FGF13: variants seen among roughly 807,000 people sequenced by gnomAD.
FGF13 encodes the protein fibroblast growth factor 13.
FGF13 carries 2 observed loss-of-function variants against 19.5 expected under a neutral mutation model. The observed-to-expected ratio is 0.10, with a 90% CI of 0.04 to 0.32. FGF13 has a LOEUF of 0.32. FGF13 is among the 10% of genes least tolerant of loss of function. The pLI, the probability that FGF13 is intolerant of heterozygous loss-of-function variation, is 1.00. For synonymous variants in FGF13, 72 were observed against 76.9 expected, an observed-to-expected ratio of 0.94 and a Z score of 0.33; for missense variants, 113 against 192.7, an observed-to-expected ratio of 0.59 and a Z score of 2.45.
At chrX:139,196,076 G>T (rs1260499312) in intron 1 of FGF13, among the ~76,000 whole-genome samples, 1 of 111,702 alleles carries the variant, frequency 9.0e-6, no homozygotes, top group African/African-American at 3.3e-5. Context: ...AAGGAGAGTC[G>T]GAGGAAGAAC....
intron 1 of FGF13, among the ~76,000 whole-genome samples, chrX:138,881,553 G>C (rs763246789): frequency 2.7e-5 from 3 of 111,306 alleles, no homozygotes; most frequent in Non-Finnish European, 3.8e-5. Flanking sequence ...ACTCTTTATT[G>C]GGTAGTTTCA....
At chrX:138,667,154 T>G (rs1164597499) in intron 3 of FGF13, among the ~76,000 whole-genome samples, 2 of 107,742 alleles carry the variant, frequency 1.9e-5, no homozygotes, top group African/African-American at 6.7e-5. Context: ...TTTATACATA[T>G]ATATAAAATA....
chrX:138,711,812 C>T, upstream of FGF13: 1 of 347,031 alleles, frequency 2.9e-6, no homozygotes. Flanking sequence ...CCCCCACCCC[C>T]ACCCCCACCC....
At chrX:139,004,378 A>G (rs1275514662) in intron 1 of FGF13, among the ~76,000 whole-genome samples, 4 of 112,474 alleles carry the variant, frequency 3.6e-5, no homozygotes, top group Non-Finnish European at 7.5e-5. Context: ...CAAGCGCCGC[A>G]CGCAGCCCTG....
intron 3 of FGF13, among the ~76,000 whole-genome samples, chrX:138,662,325 G>T (rs1366158121): frequency 8.9e-6 from 1 of 111,778 alleles, no homozygotes; most frequent in Non-Finnish European, 1.9e-5. Flanking sequence ...CAATAAAAAT[G>T]ATAATGTTCT....
intron 1 of FGF13, among the ~76,000 whole-genome samples, chrX:138,909,710 G>T (rs1256456107): frequency 8.9e-6 from 1 of 111,935 alleles, no homozygotes; most frequent in Non-Finnish European, 1.9e-5. Flanking sequence ...GGTGATGTTG[G>T]ACAAATCCTG....
In FGF13 at chrX:138,689,962, AC is replaced by A. The variant is rs753691972; in HGVS notation, c.402+13021del. On this transcript the variant is annotated intron_variant, in intron 3 of 4. Coordinates refer to ENST00000315930, the MANE Select transcript of FGF13 (RefSeq NM_004114.5). ...TTTTGACAGCCCTACTGAAAGCAGA[AC>A]TTTTTTGTTCAAGCAAATAATTATT... Among the ~76,000 whole-genome samples the A allele has an allele frequency of 2.1e-3, 236 of 112,377 alleles. 3 individuals carry two copies. Among genetic ancestry groups the A allele is most frequent in the Non-Finnish European group, 2.9e-3 (155 of 53,240 alleles).
At chrX:139,048,927 A>G (rs946097302) in intron 1 of FGF13, among the ~76,000 whole-genome samples, 5 of 111,467 alleles carry the variant, frequency 4.5e-5, no homozygotes, top group Non-Finnish European at 9.4e-5. Context: ...ACTAACGAGT[A>G]CTTCTAAAAC....
At chrX:139,012,463 G>A (rs997528826) in intron 1 of FGF13, among the ~76,000 whole-genome samples, 2 of 111,781 alleles carry the variant, frequency 1.8e-5, no homozygotes, top group African/African-American at 6.5e-5. Context: ...TAAGGCCATC[G>A]TCACCAAAAC....
chrX:139,102,627 T>C (rs183785588), intron 1 of FGF13, among the ~76,000 whole-genome samples: 61 of 112,366 alleles, frequency 5.4e-4, no homozygotes, highest in African/African-American at 1.7e-3. Flanking sequence ...ATTACTCTTA[T>C]ACTAATGATC....
rs60712962 is a variant in FGF13, at chrX:138,814,743, G to C, written c.217+42769C>G. ...ATATCATTGTGTTCTCATTCAGTGG[G>C]AATGTAAATTAGTACAGCTATCATG... On this transcript the variant is annotated intron_variant, in intron 3 of 6. Coordinates refer to the FGF13 transcript ENST00000436198. Among the ~76,000 whole-genome samples the C allele has an allele frequency of 9.9e-3, 1,100 of 111,238 alleles. 15 individuals carry two copies. The highest frequency in any genetic ancestry group is 0.034 in the African/African-American group (1,033 of 30,658).
intron 1 of FGF13, among the ~76,000 whole-genome samples, chrX:138,985,460 A>T (rs1159925446): frequency 3.6e-5 from 4 of 111,926 alleles, no homozygotes; most frequent in Admixed American, 9.5e-5. Flanking sequence ...CACCTCTTCA[A>T]TCATTCTTGT....
At chrX:139,017,078 G>A (rs1477381508) in intron 1 of FGF13, among the ~76,000 whole-genome samples, 1 of 31,207 alleles carries the variant, frequency 3.2e-5, no homozygotes, top group African/African-American at 7.6e-5. Context: ...ACATATACAT[G>A]TGTGTATATA....
chrX:138,778,985 C>T (rs1021458573), intron 3 of FGF13, among the ~76,000 whole-genome samples: 6 of 112,450 alleles, frequency 5.3e-5, no homozygotes, highest in African/African-American at 1.9e-4. Flanking sequence ...AGGCAGACTG[C>T]CTCCTCAAGT....
intron 1 of FGF13, among the ~76,000 whole-genome samples, chrX:139,191,584 T>C (rs1205922013): frequency 9.9e-5 from 11 of 111,267 alleles, no homozygotes; most frequent in Non-Finnish European, 3.8e-5. Flanking sequence ...CAGTAATAGG[T>C]CAATGCACTT....
chrX:139,204,645 C>T (rs1403009505), upstream of FGF13, among the ~76,000 whole-genome samples: 1 of 113,004 alleles, frequency 8.8e-6, no homozygotes, highest in Non-Finnish European at 1.9e-5. Flanking sequence ...AAAATAAAAC[C>T]CCGAGGAAGG....
At chrX:139,077,066 T>C (rs1393209713) in intron 1 of FGF13, among the ~76,000 whole-genome samples, 1 of 111,802 alleles carries the variant, frequency 8.9e-6, no homozygotes, top group Non-Finnish European at 1.9e-5. Context: ...GCACCTGCAC[T>C]GTTTTGGGGA....
intron 1 of FGF13, among the ~76,000 whole-genome samples, chrX:138,939,563 C>T (rs1015884468): frequency 1.8e-5 from 2 of 111,058 alleles, no homozygotes; most frequent in East Asian, 5.7e-4. Context: ...TATCCTCTCC[C>T]TCCTCCCAAC....
intron 1 of FGF13, among the ~76,000 whole-genome samples, chrX:139,142,086 A>T (rs1170495971): frequency 8.9e-6 from 1 of 111,820 alleles, no homozygotes; most frequent in African/African-American, 3.3e-5. Flanking sequence ...AGTGAAAAAA[A>T]CCCCATTCCT....
Sources: allele counts gnomAD v4.1 joint callset (sites outside exome capture counted in the v4.1 genomes callset), GRCh38; gene constraint gnomAD v4.1.1; transcripts MANE v1.5; gene names NCBI Gene and HGNC (gene_info 2026-07-23, HGNC 2026-07-21).